The following ZFAT variants were observed in gnomAD, a reference collection of about 807,000 sequenced individuals.
ZFAT encodes the protein zinc finger and AT-hook domain containing.
In ZFAT, 64 loss-of-function variants were observed where a neutral mutation model predicts 117.7. That is an observed-to-expected ratio of 0.54 (90% CI 0.44 to 0.67). The LOEUF is 0.67. Among genes scored for constraint, ZFAT ranks in the 30% least tolerant of loss-of-function variants. ZFAT has a pLI of 0.00. For synonymous variants in ZFAT, 679 were observed against 615.0 expected, an observed-to-expected ratio of 1.10 and a Z score of -1.54; for missense variants, 1,433 against 1,584.5, an observed-to-expected ratio of 0.90 and a Z score of 1.62.
the ZFAT span, among the ~76,000 whole-genome samples, chr8:134,721,956 G>A: frequency 1.3e-5 from 2 of 152,194 alleles, no homozygotes; most frequent in Non-Finnish European, 1.5e-5. Flanking sequence ...AACATTTGGA[G>A]GACTTCATTA....
Position 134,504,959 on chromosome 8 carries a change from C to G in ZFAT, c.3492+4660G>C, listed in dbSNP as rs562902952. 6.9e-3 allele frequency among the ~76,000 whole-genome samples: 1,057 copies of G among 152,294 alleles called. 13 individuals carry two copies. The highest frequency in any genetic ancestry group is 0.024 in the African/African-American group (1,014 of 41,560). ...TCCCTGCTCAGCACCTGCCCCCACC[C>G]CAGACCCAGGTACACGGGCCCCTGG... is the stretch of plus-strand genomic sequence containing the variant. On this transcript the variant is annotated intron_variant, in intron 15 of 15. Transcript: ENST00000377838.
intron 2 of ZFAT, among the ~76,000 whole-genome samples, chr8:134,640,964 A>C (rs190348801): frequency 3.3e-5 from 5 of 152,194 alleles, no homozygotes; most frequent in Admixed American, 2.6e-4. Flanking sequence ...TCCTTTATTT[A>C]ATCTGTCACT....
At chr8:134,573,429 C>T (rs570759992) in intron 10 of ZFAT, among the ~76,000 whole-genome samples, 4 of 152,156 alleles carry the variant, frequency 2.6e-5, no homozygotes, top group African/African-American at 9.7e-5. Context: ...GACTGTATGG[C>T]AGTTTGTAGA....
the ZFAT span, among the ~76,000 whole-genome samples, chr8:134,722,561 G>T: frequency 6.6e-6 from 1 of 152,184 alleles, no homozygotes; most frequent in South Asian, 2.1e-4. Flanking sequence ...AATAAGAAAC[G>T]ATCCGTGGTG....
chr8:134,610,634 A>G lies in ZFAT; in HGVS notation c.470T>C (p.Leu157Pro). ...ATCATCTTCCTTACACTTCTTTTCT[A>G]GTTCAAGGTCAGACTCGTTACCTAA... is the stretch of plus-strand genomic sequence containing the variant. ...GEAGNESDLE[L>P]EKKCKEDDRE... is the part of the protein sequence containing the mutation. Residue 157 changes from leucine to proline, a missense_variant, in exon 4 of 16, where the codon CTA becomes CCA. Transcript: ENST00000377838. 2 of 1,613,976 alleles carry G rather than the reference A, an allele frequency of 1.2e-6. No individual in the cohort carries two copies. The highest frequency in any genetic ancestry group is 1.1e-5 in the South Asian group (1 of 91,064).
At chr8:134,825,412 T>C in the ZFAT span, among the ~76,000 whole-genome samples, 1 of 152,230 alleles carries the variant, frequency 6.6e-6, no homozygotes, top group African/African-American at 2.4e-5. Flanking sequence ...GTCTTAAGAA[T>C]TTTTAAAGAA....
chr8:134,536,226 G>A (rs557967706), intron 11 of ZFAT, among the ~76,000 whole-genome samples: 4 of 152,330 alleles, frequency 2.6e-5, no homozygotes, highest in South Asian at 2.1e-4. Flanking sequence ...AATTCTGAGA[G>A]TTGAAAGAAA....
chr8:134,538,515 G>A (rs1822006784), intron 11 of ZFAT, among the ~76,000 whole-genome samples: 1 of 152,102 alleles, frequency 6.6e-6, no homozygotes, highest in South Asian at 2.1e-4. Context: ...AAGGTATATT[G>A]GGCCAGGCGC....
In ZFAT at chr8:134,613,741, T is replaced by C. The variant is rs1488276928; in HGVS notation, c.449-3086A>G. ...CTCTGAGGAGAAGGGTCCAGGGACT[T>C]CCAGAAGTGGTTTTCCTTCCTCATG... On this transcript the variant is annotated intron_variant, in intron 3 of 15. Transcript: ENST00000377838. Among the ~76,000 whole-genome samples, 3 of 152,310 alleles carry C rather than the reference T, an allele frequency of 2.0e-5. No homozygotes were observed. In the East Asian group the frequency reaches 5.8e-4, roughly 29 times the overall value.
chr8:134,605,553 C>CA (rs747188059), intron 5 of ZFAT, among the ~76,000 whole-genome samples: 10,258 of 89,334 alleles, frequency 0.11, 902 homozygotes, highest in African/African-American at 0.29. Flanking sequence ...GACCCCATCT[C>CA]AAAAAAAAAA....
At chr8:134,593,981 T>A (rs1826723974) in intron 7 of ZFAT, among the ~76,000 whole-genome samples, 1 of 152,200 alleles carries the variant, frequency 6.6e-6, no homozygotes, top group African/African-American at 2.4e-5. Flanking sequence ...ACAGGAAAAG[T>A]GATGCTGAAA....
Position 134,478,114 on chromosome 8 carries a change from T to G in ZFAT, c.*368A>C. On this transcript the variant is annotated 3_prime_UTR_variant, in exon 16 of 16. Coordinates refer to ENST00000377838, the MANE Select transcript of ZFAT (RefSeq NM_020863.4). This position sits in a 1 kb window ranked among gnomAD's most constrained non-coding sequence, Gnocchi z 5.2. The stretch of plus-strand genomic sequence containing the variant: ...TGAACATTTGGCACCTAGATGGGGG[T>G]CAAGGAGCTGGGGCTGTGATTCAGG... The G allele has an allele frequency of 3.6e-5, 9 of 249,862 alleles. No homozygotes were observed. The highest frequency in any genetic ancestry group is 8.1e-5 in the South Asian group (1 of 12,364). 15.5% of individuals were successfully genotyped at this position (249,862 alleles called of 1,614,324 possible). A position where few individuals can be genotyped will look rare whatever the true frequency, so the allele number is the denominator to read the frequency against.
intron 7 of ZFAT, chr8:134,599,172 A>G (rs1179297086): frequency 6.6e-6 from 1 of 152,300 alleles, no homozygotes; most frequent in African/African-American, 2.4e-5. Flanking sequence ...ACTCAAAGAG[A>G]GAGAGACAGA....
Position 134,712,817 on chromosome 8 carries a change from TCTCACCCCAACCCCCAGCCCGG to T in ZFAT, c.19+6_19+27del, listed in dbSNP as rs748700919. 4 of 498,344 alleles carry T rather than the reference TCTCACCCCAACCCCCAGCCCGG, an allele frequency of 8.0e-6. No homozygotes were observed. The highest frequency in any genetic ancestry group is 5.9e-5 in the South Asian group (3 of 50,442). 30.9% of individuals were successfully genotyped at this position (498,344 alleles called of 1,614,324 possible). A position where few individuals can be genotyped will look rare whatever the true frequency, so the allele number is the denominator to read the frequency against. On this transcript the variant is annotated splice_donor_region_variant and intron_variant, in intron 1 of 15. Transcript: ENST00000377838. ...CGCGCCGCGCCCCACCCCCACCCCG[TCTCACCCCAACCCCCAGCCCGG>T]CTCACCTGCCGCCCGCGTCTCCATG...
At chr8:134,486,674 C>T (rs997202933) in intron 15 of ZFAT, among the ~76,000 whole-genome samples, 1 of 152,156 alleles carries the variant, frequency 6.6e-6, no homozygotes, top group Non-Finnish European at 1.5e-5. Context: ...ATCCAGCCTT[C>T]CGTGTTTCAG....
chr8:134,655,143 G>C (rs899073973), intron 2 of ZFAT, among the ~76,000 whole-genome samples: 2 of 152,148 alleles, frequency 1.3e-5, no homozygotes, highest in Non-Finnish European at 2.9e-5. Context: ...TGATGAGAGG[G>C]AGGAGAGGGG....
intron 1 of ZFAT, among the ~76,000 whole-genome samples, chr8:134,673,706 C>G (rs1477131772): frequency 1.3e-5 from 2 of 150,168 alleles, no homozygotes; most frequent in Non-Finnish European, 3.0e-5. Context: ...TTTGAATAAC[C>G]TCAGTATATT....
chr8:134,760,332 G>C, the ZFAT span, among the ~76,000 whole-genome samples: 1 of 150,544 alleles, frequency 6.6e-6, no homozygotes, highest in South Asian at 2.1e-4. Flanking sequence ...TGGATTATAA[G>C]CAATGCAAAA....
chr8:134,480,075 C>T (rs1817189807), intron 15 of ZFAT, among the ~76,000 whole-genome samples: 1 of 151,940 alleles, frequency 6.6e-6, no homozygotes, highest in South Asian at 2.1e-4. Flanking sequence ...CATCCTCCTG[C>T]CTCAGCCTCC....
Sources: allele counts gnomAD v4.1 joint callset (sites outside exome capture counted in the v4.1 genomes callset), GRCh38; gene constraint gnomAD v4.1.1; non-coding constraint Gnocchi (gnomAD v3.1); transcripts MANE v1.5; gene names NCBI Gene and HGNC (gene_info 2026-07-23, HGNC 2026-07-21).